PAPPA2: variants seen among roughly 807,000 people sequenced by gnomAD.
PAPPA2 encodes the protein pappalysin 2.
PAPPA2 carries 86 observed loss-of-function variants against 176.4 expected under a neutral mutation model. The ratio of observed to expected loss-of-function variants is 0.49; its 90% CI spans 0.41 to 0.58. The LOEUF is 0.58. PAPPA2 is among the 20% of genes least tolerant of loss of function. PAPPA2 has a pLI of 0.00. For synonymous variants in PAPPA2, 809 were observed against 852.2 expected (o/e 0.95, Z 0.88); for missense variants, 2,073 against 2,256.9 (o/e 0.92, Z 1.65).
intron 21 of PAPPA2, among the ~76,000 whole-genome samples, chr1:176,823,172 A>G (rs1319816974): frequency 6.6e-6 from 1 of 152,232 alleles, no homozygotes; most frequent in Admixed American, 6.5e-5. Flanking sequence ...TTCCAGAGCC[A>G]ATCTCATACA....
chr1:176,598,021 C>A (rs78084702), intron 3 of PAPPA2, among the ~76,000 whole-genome samples: 4,022 of 152,262 alleles, frequency 0.026, 86 homozygotes, highest in Non-Finnish European at 0.041. Flanking sequence ...GTGTTTTGAA[C>A]CTTTATTCAT....
At chr1:176,734,352 C>A (rs1365179722) in intron 12 of PAPPA2, among the ~76,000 whole-genome samples, 2 of 151,692 alleles carry the variant, frequency 1.3e-5, no homozygotes, top group Non-Finnish European at 2.9e-5. Context: ...AGTGGTTCCC[C>A]CTTCATTTCA....
chr1:176,842,676 GTGGCAGTTGATTAACA>G lies in PAPPA2; in HGVS notation c.*226_*241del, dbSNP rs1667531383. 5.5e-6 allele frequency: 3 copies of G among 541,288 alleles called. No individual in the cohort carries two copies. Among genetic ancestry groups the G allele is most frequent in the Non-Finnish European group, 9.9e-6 (3 of 303,494 alleles). 33.5% of individuals were successfully genotyped at this position (541,288 alleles called of 1,614,324 possible). ...AATCATAGGCAAAAGTTTCTTTAAA[GTGGCAGTTGATTAACA>G]TGGAAGGGGAAATATGATAGATATA... On this transcript the variant is annotated 3_prime_UTR_variant, in exon 23 of 23. Coordinates refer to ENST00000367662, the MANE Select transcript of PAPPA2 (RefSeq NM_020318.3).
intron 2 of PAPPA2, among the ~76,000 whole-genome samples, chr1:176,565,161 G>T (rs113499007): frequency 6.6e-6 from 1 of 152,216 alleles, no homozygotes; most frequent in African/African-American, 2.4e-5. Flanking sequence ...TACATTTTGT[G>T]TATCCAGTCT....
intron 3 of PAPPA2, among the ~76,000 whole-genome samples, chr1:176,661,998 A>G (rs1658384497): frequency 6.6e-6 from 1 of 152,138 alleles, no homozygotes; most frequent in Non-Finnish European, 1.5e-5. Flanking sequence ...ATTTGTTCAC[A>G]TGATTGTCTT....
At chr1:176,737,028 T>A (rs1274765372) in intron 12 of PAPPA2, among the ~76,000 whole-genome samples, 1 of 152,122 alleles carries the variant, frequency 6.6e-6, no homozygotes, top group East Asian at 1.9e-4. Flanking sequence ...AGTTTTAAAT[T>A]TTTATTTTTT....
Position 176,594,621 on chromosome 1 carries a change from C to G in PAPPA2, c.1017C>G (p.Phe339Leu), listed in dbSNP as rs775229284. The change falls in exon 3 of 23, where the codon TTC (phenylalanine) becomes TTG (leucine). Residue 339 changes from phenylalanine to leucine, a missense_variant. Transcript: ENST00000367662. ...AGGGAAAGCGGGATGCTCGCTTCTT[C>G]TTCTCCCTCTGCACCGACCGCGTGA... ...KDKGKRDARF[F>L]FSLCTDRVKK... 6.2e-7 allele frequency: 1 copy of G among 1,614,228 alleles called. No homozygotes were observed. Among genetic ancestry groups the G allele is most frequent in the South Asian group, 1.1e-5 (1 of 91,086 alleles).
At chr1:176,782,959 T>TACC (rs1664786360) in intron 17 of PAPPA2, among the ~76,000 whole-genome samples, 1 of 152,078 alleles carries the variant, frequency 6.6e-6, no homozygotes, top group South Asian at 2.1e-4. Flanking sequence ...GCAGGACTTG[T>TACC]TGATGGGTTA....
At chr1:176,704,088 A>G (rs922983091) in intron 9 of PAPPA2, among the ~76,000 whole-genome samples, 4 of 151,878 alleles carry the variant, frequency 2.6e-5, no homozygotes, top group Admixed American at 2.6e-4. Flanking sequence ...GATGGTGGCC[A>G]CCCTGCAGCC....
At chr1:176,480,857 C>T (rs901855151) in intron 1 of PAPPA2, among the ~76,000 whole-genome samples, 1 of 151,754 alleles carries the variant, frequency 6.6e-6, no homozygotes, top group Non-Finnish European at 1.5e-5. Context: ...GACGAAAACA[C>T]TAAAGCCAGT....
intron 1 of PAPPA2, among the ~76,000 whole-genome samples, chr1:176,505,196 T>G (rs1432249911): frequency 6.6e-6 from 1 of 152,134 alleles, no homozygotes; most frequent in Admixed American, 6.6e-5. Flanking sequence ...CATTGACATC[T>G]GTAGCATTTT....
chr1:176,831,405 T>G (rs2102984490), intron 21 of PAPPA2, among the ~76,000 whole-genome samples: 1 of 152,350 alleles, frequency 6.6e-6, no homozygotes, highest in African/African-American at 2.4e-5. Context: ...AGTAGGGCCC[T>G]GTGCAGGGAT....
At chr1:176,840,350 G>C (rs982921214) in intron 22 of PAPPA2, 79 bp downstream of exon 22, 6 of 1,137,964 alleles carry the variant, frequency 5.3e-6, no homozygotes, top group Non-Finnish European at 6.5e-6. Context: ...TCTCATTCAT[G>C]GTGTGTAATA....
At chr1:176,656,022 ATT>A (rs1658011821) in intron 3 of PAPPA2, among the ~76,000 whole-genome samples, 1 of 151,774 alleles carries the variant, frequency 6.6e-6, no homozygotes, top group Non-Finnish European at 1.5e-5. Flanking sequence ...CAAAATTAAT[ATT>A]GTCTGCAGAT....
intron 2 of PAPPA2, among the ~76,000 whole-genome samples, chr1:176,564,038 T>A (rs1228875233): frequency 6.6e-6 from 1 of 152,214 alleles, no homozygotes; most frequent in Non-Finnish European, 1.5e-5. Context: ...CCCAGCCTTT[T>A]CAGGATCTGT....
chr1:176,758,963 C>G (rs1278374796), intron 14 of PAPPA2, among the ~76,000 whole-genome samples: 2 of 152,136 alleles, frequency 1.3e-5, no homozygotes, highest in Non-Finnish European at 2.9e-5. Flanking sequence ...GATGGAAGGC[C>G]AAGATGGTTA....
At chr1:176,794,879 G>C (rs1665358027) in intron 20 of PAPPA2, among the ~76,000 whole-genome samples, 1 of 152,172 alleles carries the variant, frequency 6.6e-6, no homozygotes, top group Admixed American at 6.5e-5. Context: ...GTTACGCATG[G>C]GGATCTAGAC....
At chr1:176,683,566 T>G (rs1360056149) in intron 4 of PAPPA2, among the ~76,000 whole-genome samples, 1 of 152,154 alleles carries the variant, frequency 6.6e-6, no homozygotes, top group Non-Finnish European at 1.5e-5. Flanking sequence ...TCTCAGTCAA[T>G]TATGCCTGTT....
chr1:176,642,387 G>A (rs1573181575), intron 3 of PAPPA2, among the ~76,000 whole-genome samples: 1 of 151,712 alleles, frequency 6.6e-6, no homozygotes, highest in Non-Finnish European at 1.5e-5. Flanking sequence ...AACAAGAAGA[G>A]GCTAGGTAGA....
Sources: allele counts gnomAD v4.1 joint callset (sites outside exome capture counted in the v4.1 genomes callset), GRCh38; gene constraint gnomAD v4.1.1; transcripts MANE v1.5; gene names NCBI Gene and HGNC (gene_info 2026-07-23, HGNC 2026-07-21).